CNGA3: variants seen among roughly 807,000 people sequenced by gnomAD.
The protein encoded by CNGA3 is cyclic nucleotide gated channel subunit alpha 3, also known as cyclic nucleotide-gated channel alpha-3.
Under a neutral mutation model 46.6 loss-of-function variants are expected in CNGA3, and 42 were observed. The ratio of observed to expected loss-of-function variants is 0.90; its 90% CI spans 0.70 to 1.17. The LOEUF is 1.17. CNGA3 is among the 50% of genes most tolerant of loss of function. The pLI is 0.00. For missense variants in CNGA3, 893 were observed against 890.7 expected, an observed-to-expected ratio of 1.00 and a Z score of -0.03; for synonymous variants, 394 against 369.4, an observed-to-expected ratio of 1.07 and a Z score of -0.76.
At chr2:98,389,131 G>T (rs975199858) in intron 5 of CNGA3, among the ~76,000 whole-genome samples, 1 of 152,200 alleles carries the variant, frequency 6.6e-6, no homozygotes, top group African/African-American at 2.4e-5. Context: ...TACATCGTCC[G>T]CACAAACACA....
At chr2:98,374,482 C>T (rs575602464) in intron 2 of CNGA3, among the ~76,000 whole-genome samples, 1 of 152,294 alleles carries the variant, frequency 6.6e-6, no homozygotes, top group South Asian at 2.1e-4. Flanking sequence ...TCCTGTAAAG[C>T]CATTGCCCCA....
intron 5 of CNGA3, among the ~76,000 whole-genome samples, chr2:98,384,143 C>T (rs1176713338): frequency 3.3e-5 from 5 of 152,198 alleles, no homozygotes; most frequent in Non-Finnish European, 7.3e-5. Context: ...CCCGCCTCGG[C>T]CTCCAAAGTG....
chr2:98,352,360 G>A (rs572310623), intron 1 of CNGA3, among the ~76,000 whole-genome samples: 1 of 152,254 alleles, frequency 6.6e-6, no homozygotes, highest in South Asian at 2.1e-4. Context: ...TGTACAAGTT[G>A]TTGTGTGGAC....
chr2:98,380,271 A>G lies in CNGA3; in HGVS notation c.312A>G (p.Gly104=), dbSNP rs200853632. 2 of 1,614,152 alleles carry G rather than the reference A, an allele frequency of 1.2e-6. No individual in the cohort carries two copies. Among genetic ancestry groups the G allele is most frequent in the Non-Finnish European group, 1.7e-6 (2 of 1,180,038 alleles). ...ACTCTTTTCCTGATCGTTTCCGTGG[A>G]GCCGAGCTTAAGGAGGTGTCCAGCC... ...GPDSFPDRFR[G]AELKEVSSQE... The change falls in exon 4 of 8, where the codon GGA becomes GGG. Residue 104 remains glycine, a synonymous_variant. Transcript: ENST00000272602.
At chr2:98,368,595 G>A (rs2104171239) in intron 1 of CNGA3, among the ~76,000 whole-genome samples, 1 of 152,308 alleles carries the variant, frequency 6.6e-6, no homozygotes. Flanking sequence ...AACTGCCCAA[G>A]GGGTTCACCT....
intron 1 of CNGA3, 103 bp downstream of exon 1, chr2:98,346,637 G>T (rs1574352255): frequency 5.1e-6 from 2 of 394,578 alleles, no homozygotes; most frequent in Non-Finnish European, 4.5e-6. Flanking sequence ...AGAACCACAC[G>T]CAGGGGAGGG....
At chr2:98,362,582 T>G (rs1450303552) in intron 1 of CNGA3, among the ~76,000 whole-genome samples, 2 of 152,136 alleles carry the variant, frequency 1.3e-5, no homozygotes, top group Non-Finnish European at 2.9e-5. Context: ...TTGCAAAAAT[T>G]TTCTCCCATT....
At position 98,396,125 on chromosome 2, in the gene CNGA3, T is replaced by C. The variant is rs753625117; in HGVS notation, c.955T>C (p.Cys319Arg). The C allele has an allele frequency of 8.1e-6, 13 of 1,614,130 alleles. 1 individual carries two copies. The South Asian group carries it at 1.3e-4, about 16-fold the overall frequency. ...YILIIIHWNA[C>R]IYFAISKFIG... ...TCTCATCATCATCCACTGGAATGCCTGCATCTACTTTGCCATTTCCAAGTT... is the reference window on the plus strand; with the variant it reads ...TCTCATCATCATCCACTGGAATGCCCGCATCTACTTTGCCATTTCCAAGTT... Residue 319 changes from cysteine to arginine, a missense_variant, in exon 8 of 8, where the codon TGC becomes CGC. Coordinates refer to ENST00000272602, the MANE Select transcript of CNGA3 (RefSeq NM_001298.3).
chr2:98,388,849 T>G (rs1692719274), intron 5 of CNGA3, among the ~76,000 whole-genome samples: 1 of 152,148 alleles, frequency 6.6e-6, no homozygotes, highest in East Asian at 1.9e-4. Context: ...AGCATCCAGG[T>G]GAAGGCAGGA....
At chr2:98,352,030 C>T (rs1691779605) in intron 1 of CNGA3, among the ~76,000 whole-genome samples, 1 of 152,168 alleles carries the variant, frequency 6.6e-6, no homozygotes, top group South Asian at 2.1e-4. Context: ...CTCTCCACTC[C>T]TGCTCCAGGC....
At chr2:98,357,478 C>CCT (rs1487374379) in intron 1 of CNGA3, among the ~76,000 whole-genome samples, 16 of 152,202 alleles carry the variant, frequency 1.1e-4, no homozygotes, top group African/African-American at 3.6e-4. Context: ...ACCCATCGTG[C>CCT]CTCTACCTGT....
intron 3 of CNGA3, among the ~76,000 whole-genome samples, chr2:98,378,953 G>A (rs1692475927): frequency 6.6e-6 from 1 of 152,224 alleles, no homozygotes; most frequent in Admixed American, 6.5e-5. Context: ...AACAGCCTTT[G>A]CCATGTGACC....
chr2:98,370,502 T>A (rs1376004570), intron 2 of CNGA3, among the ~76,000 whole-genome samples: 2 of 152,228 alleles, frequency 1.3e-5, no homozygotes, highest in Non-Finnish European at 2.9e-5. Context: ...TCAGATGCCC[T>A]GCCCTCGCTT....
At chr2:98,355,179 C>T (rs1691852337) in intron 1 of CNGA3, among the ~76,000 whole-genome samples, 1 of 151,974 alleles carries the variant, frequency 6.6e-6, no homozygotes, top group Admixed American at 6.5e-5. Flanking sequence ...CTGTGAAATC[C>T]TTTTGTATGT....
chr2:98,370,011 C>T lies in CNGA3; in HGVS notation c.36C>T (p.Ser12=). The T allele has an allele frequency of 3.1e-6, 5 of 1,614,058 alleles. No homozygotes were observed. The highest frequency in any genetic ancestry group is 4.2e-6 in the Non-Finnish European group (5 of 1,179,984). Residue 12 remains serine, a synonymous_variant, in exon 2 of 8, where the codon TCC becomes TCT. Transcript: ENST00000272602. ...AKINTQYSHP[S]RTHLKVKTSD... ...TCAACACCCAATACTCCCACCCCTC[C>T]AGGACCCACCTCAAGGTAAAGACCT...
At chr2:98,375,735 C>G (rs965998166) in intron 2 of CNGA3, among the ~76,000 whole-genome samples, 17 of 152,250 alleles carry the variant, frequency 1.1e-4, no homozygotes, top group Non-Finnish European at 1.9e-4. Context: ...GGGCTCAGTC[C>G]TCAGCCATCC....
chr2:98,371,132 T>A (rs1423392488), intron 2 of CNGA3, among the ~76,000 whole-genome samples: 2 of 152,208 alleles, frequency 1.3e-5, no homozygotes, highest in African/African-American at 2.4e-5. Context: ...GCCATGTTTG[T>A]TAAATGATTA....
At chr2:98,389,038 T>C (rs950996204) in intron 5 of CNGA3, among the ~76,000 whole-genome samples, 2 of 152,242 alleles carry the variant, frequency 1.3e-5, no homozygotes, top group African/African-American at 4.8e-5. Flanking sequence ...AGCTATGTAT[T>C]TCATTCCGTG....
chr2:98,349,807 G>T (rs946818280), intron 1 of CNGA3, among the ~76,000 whole-genome samples: 28 of 152,210 alleles, frequency 1.8e-4, no homozygotes, highest in African/African-American at 6.8e-4. Context: ...GATAGCTGTT[G>T]CTGTGACTGA....
Sources: gnomAD v4.1 joint callset for allele counts (sites outside exome capture counted in the v4.1 genomes callset) on GRCh38, gnomAD v4.1.1 for gene constraint, MANE v1.5 for transcripts, NCBI Gene and HGNC (gene_info 2026-07-23, HGNC 2026-07-21) for gene names.